The following RABGAP1L variants were observed in gnomAD, a reference collection of about 807,000 sequenced individuals.
RABGAP1L encodes RAB GTPase activating protein 1 like, also known as rab GTPase-activating protein 1-like.
RABGAP1L carries 63 observed loss-of-function variants against 137.7 expected under a neutral mutation model. The ratio of observed to expected loss-of-function variants is 0.46; its 90% CI spans 0.37 to 0.56. The LOEUF (loss-of-function observed/expected upper bound fraction) is 0.56, where lower values mean the gene tolerates loss of function less well. RABGAP1L is among the 20% of genes least tolerant of loss of function. The pLI is 0.00. For missense variants in RABGAP1L, 1,095 were observed against 1,244.0 expected (o/e 0.88, Z 1.80); for synonymous variants, 431 against 433.7 (o/e 0.99, Z 0.08).
chr1:174,261,796 T>C (rs1673597771), intron 7 of RABGAP1L, among the ~76,000 whole-genome samples: 1 of 152,232 alleles, frequency 6.6e-6, no homozygotes, highest in African/African-American at 2.4e-5. Flanking sequence ...TATCTTGAAG[T>C]TGCCTAGATG....
intron 15 of RABGAP1L, among the ~76,000 whole-genome samples, chr1:174,697,618 C>G (rs1679363825): frequency 6.6e-6 from 1 of 152,202 alleles, no homozygotes. Flanking sequence ...CGCGCCCGGC[C>G]TGGCTACAGT....
Position 174,978,173 on chromosome 1 carries a change from A to T in RABGAP1L, c.2650-634A>T, listed in dbSNP as rs563780336. On this transcript the variant is annotated intron_variant, in intron 22 of 25. Transcript: ENST00000681986. ...AGAATTCTAGAGCTGCTGGGCCACA[A>T]AAATAACTGTGGTTATAACTATAGC... Among the ~76,000 whole-genome samples the T allele has an allele frequency of 2.0e-4, 30 of 152,344 alleles. No homozygotes were observed. In the South Asian group the frequency reaches 3.9e-3, roughly 20 times the overall value.
At position 174,394,020 on chromosome 1, in the gene RABGAP1L, A is replaced by C. The variant is rs1037865983; in HGVS notation, c.1585A>C (p.Lys529Gln). The part of the protein sequence containing the change: ...KWHSNLGARP[K>Q]GLSTLVKSGV... ...GCACAGTAACCTTGGTGCACGACCG[A>C]AAGGGCTGTCTACTCTGGTGAAGAG... Residue 529 changes from lysine to glutamine, a missense_variant, in exon 13 of 26, where the codon AAA (lysine) becomes CAA (glutamine). By Grantham distance (53) the Lys-to-Gln change is moderately conservative. Transcript: ENST00000681986. 6.2e-7 allele frequency: 1 copy of C among 1,613,400 alleles called. No homozygotes were observed. The highest frequency in any genetic ancestry group is 1.7e-5 in the Admixed American group (1 of 59,888).
chr1:174,512,827 A>C (rs1662478142), intron 13 of RABGAP1L, among the ~76,000 whole-genome samples: 1 of 152,218 alleles, frequency 6.6e-6, no homozygotes, highest in Non-Finnish European at 1.5e-5. Context: ...GCTTTAGCCT[A>C]GGTAATTCTT....
chr1:174,550,059 T>C (rs1666308565), intron 13 of RABGAP1L, among the ~76,000 whole-genome samples: 1 of 152,154 alleles, frequency 6.6e-6, no homozygotes, highest in African/African-American at 2.4e-5. Flanking sequence ...AATAATAACA[T>C]TTTAAAATAA....
intron 13 of RABGAP1L, among the ~76,000 whole-genome samples, chr1:174,604,148 A>G (rs953236743): frequency 3.9e-5 from 6 of 152,012 alleles, no homozygotes; most frequent in African/African-American, 1.4e-4. Context: ...TGTGGCCTAG[A>G]CTGCCTTTCA....
At chr1:174,442,392 A>G (rs1029666841) in intron 13 of RABGAP1L, among the ~76,000 whole-genome samples, 2 of 152,216 alleles carry the variant, frequency 1.3e-5, no homozygotes, top group African/African-American at 4.8e-5. Context: ...GAAAATCGTT[A>G]TTCTAATGTA....
At chr1:174,455,347 T>G (rs1655926688) in intron 13 of RABGAP1L, among the ~76,000 whole-genome samples, 1 of 152,176 alleles carries the variant, frequency 6.6e-6, no homozygotes, top group South Asian at 2.1e-4. Context: ...TTTATTTTAT[T>G]TTCTACTTAA....
chr1:174,421,327 A>G (rs1651268421), intron 13 of RABGAP1L, among the ~76,000 whole-genome samples: 1 of 152,154 alleles, frequency 6.6e-6, no homozygotes, highest in Admixed American at 6.5e-5. Context: ...ACAGCTTTCA[A>G]AATGGTATTC....
At chr1:174,583,551 T>G (rs887785918) in intron 13 of RABGAP1L, among the ~76,000 whole-genome samples, 1 of 152,214 alleles carries the variant, frequency 6.6e-6, no homozygotes, top group Non-Finnish European at 1.5e-5. Context: ...TGAGCTAACA[T>G]GCTGAGTAGT....
At chr1:174,349,029 G>C (rs1465718871) in intron 11 of RABGAP1L, among the ~76,000 whole-genome samples, 4 of 149,946 alleles carry the variant, frequency 2.7e-5, no homozygotes, top group African/African-American at 9.7e-5. Context: ...CTCCCGGACA[G>C]GGCGGCTGGC....
intron 19 of RABGAP1L, among the ~76,000 whole-genome samples, chr1:174,918,877 A>G (rs1276157222): frequency 1.3e-5 from 2 of 152,118 alleles, no homozygotes; most frequent in Non-Finnish European, 2.9e-5. Context: ...TTTGTCTCGT[A>G]CAGTGGCATG....
intron 13 of RABGAP1L, chr1:174,545,297 A>T (rs142593976): frequency 0.036 from 5,299 of 147,914 alleles, 124 homozygotes; most frequent in Middle Eastern, 0.088. Flanking sequence ...CTCAAGCTTC[A>T]GCAATGGCGG....
At chr1:174,762,840 A>G (rs964381387) in intron 18 of RABGAP1L, among the ~76,000 whole-genome samples, 9 of 110,708 alleles carry the variant, frequency 8.1e-5, no homozygotes, top group Non-Finnish European at 1.4e-4. Context: ...TTTAAGATAG[A>G]TTCTAGCTCT....
intron 1 of RABGAP1L, among the ~76,000 whole-genome samples, chr1:174,177,837 T>C (rs535045284): frequency 6.6e-6 from 1 of 152,358 alleles, no homozygotes; most frequent in Non-Finnish European, 1.5e-5. Context: ...TCCATTGGTC[T>C]GTATATCTGT....
intron 15 of RABGAP1L, among the ~76,000 whole-genome samples, chr1:174,695,690 A>G (rs1427862331): frequency 6.6e-6 from 1 of 152,186 alleles, no homozygotes; most frequent in Non-Finnish European, 1.5e-5. Context: ...CTGGGCATTG[A>G]AAAGTTAAGT....
chr1:174,690,646 T>C (rs1263289174), intron 15 of RABGAP1L, among the ~76,000 whole-genome samples: 1 of 152,166 alleles, frequency 6.6e-6, no homozygotes, highest in Non-Finnish European at 1.5e-5. Flanking sequence ...GACTAATATA[T>C]CATACAGTGA....
chr1:174,200,530 G>A (rs1211299873), intron 1 of RABGAP1L, among the ~76,000 whole-genome samples: 2 of 152,310 alleles, frequency 1.3e-5, no homozygotes, highest in East Asian at 3.9e-4. Context: ...TTTTACTAGA[G>A]TAGATTTAAT....
At position 174,170,352 on chromosome 1, in the gene RABGAP1L, G is replaced by A. The variant is rs565965295; in HGVS notation, c.-34+10695G>A. Among the ~76,000 whole-genome samples the A allele has an allele frequency of 2.0e-5, 3 of 152,164 alleles. No homozygotes were observed. The East Asian group carries it at 5.8e-4, about 29-fold the overall frequency. On this transcript the variant is annotated intron_variant, in intron 1 of 25. Transcript: ENST00000681986. Reference sequence around the variant, plus strand: ...AATATCATCTCCAGTTTGCAGGTGAGGAAGCAGGATTAGAGAACTTCAGTA... The same window carrying A: ...AATATCATCTCCAGTTTGCAGGTGAAGAAGCAGGATTAGAGAACTTCAGTA...
Sources: allele counts gnomAD v4.1 joint callset (sites outside exome capture counted in the v4.1 genomes callset), GRCh38; gene constraint gnomAD v4.1.1; transcripts MANE v1.5; gene names NCBI Gene and HGNC (gene_info 2026-07-23, HGNC 2026-07-21).